Variants in NAA11 observed in about 807,000 individuals in gnomAD.
NAA11 encodes the protein N-alpha-acetyltransferase 11.
In NAA11, 15 loss-of-function variants were observed where a neutral mutation model predicts 16.1. The ratio of observed to expected loss-of-function variants is 0.93; its 90% CI spans 0.62 to 1.44. The LOEUF (loss-of-function observed/expected upper bound fraction) is 1.44, where lower values mean the gene tolerates loss of function less well. NAA11 is among the 40% of genes most tolerant of loss of function. NAA11 has a pLI of 0.00. For synonymous variants in NAA11, 122 were observed against 112.4 expected, an observed-to-expected ratio of 1.09 and a Z score of -0.54; for missense variants, 298 against 291.3, an observed-to-expected ratio of 1.02 and a Z score of -0.17.
At chr4:79,221,735 AT>A (rs1450364036), downstream of NAA11, among the ~76,000 whole-genome samples, 1 of 128,796 alleles carries the variant, frequency 7.8e-6, no homozygotes, top group Non-Finnish European at 1.7e-5. Context: ...CCACTTGATC[AT>A]AGTGGATAAG....
the NAA11 span, among the ~76,000 whole-genome samples, chr4:79,191,216 G>C: frequency 6.6e-6 from 1 of 152,238 alleles, no homozygotes; most frequent in South Asian, 2.1e-4. Context: ...TTGAATGGTA[G>C]TTCTGTTTTT....
chr4:79,285,333 A>T (rs888580973), intron 2 of NAA11, among the ~76,000 whole-genome samples: 1 of 152,106 alleles, frequency 6.6e-6, no homozygotes, highest in African/African-American at 2.4e-5. Context: ...TCAGAAACAG[A>T]TATAAATGGC....
intron 1 of NAA11, chr4:79,299,493 G>T (rs1171343963): frequency 6.6e-6 from 1 of 152,106 alleles, no homozygotes; most frequent in Non-Finnish European, 1.5e-5. Flanking sequence ...CCCCAATGTT[G>T]TACTTATGGT....
chr4:79,270,375 G>A (rs529663807), intron 2 of NAA11, among the ~76,000 whole-genome samples: 2 of 151,638 alleles, frequency 1.3e-5, no homozygotes, highest in East Asian at 3.9e-4. Flanking sequence ...CTGAAATTGT[G>A]GCAATAATCA....
the NAA11 span, among the ~76,000 whole-genome samples, chr4:79,199,522 T>G: frequency 6.6e-6 from 1 of 151,696 alleles, no homozygotes; most frequent in Non-Finnish European, 1.5e-5. Flanking sequence ...TGAAAGCGAG[T>G]GACAAAAAAC....
chr4:79,167,136 ATATATATATATATATATATG>A, the NAA11 span, among the ~76,000 whole-genome samples: 3 of 56,430 alleles, frequency 5.3e-5, no homozygotes, highest in Non-Finnish European at 1.1e-4. Flanking sequence ...CTTATTTTAT[ATATATATATATATATATATG>A]TATATGGAGA....
chr4:79,239,395 G>A (rs1019416996), intron 2 of NAA11, among the ~76,000 whole-genome samples: 2 of 152,146 alleles, frequency 1.3e-5, no homozygotes, highest in African/African-American at 4.8e-5. Context: ...TGACAAGGAA[G>A]TCTGAGAATA....
chr4:79,207,821 G>T, the NAA11 span, among the ~76,000 whole-genome samples: 1 of 151,908 alleles, frequency 6.6e-6, no homozygotes, highest in Non-Finnish European at 1.5e-5. Context: ...TAAAGAAAAA[G>T]AACATTGTTC....
intron 2 of NAA11, among the ~76,000 whole-genome samples, chr4:79,265,290 A>G (rs13136798): frequency 6.6e-6 from 1 of 152,190 alleles, no homozygotes; most frequent in South Asian, 2.1e-4. Context: ...AATGACCTCC[A>G]AACTGGTATT....
At chr4:79,181,277 A>G in the NAA11 span, among the ~76,000 whole-genome samples, 1 of 150,862 alleles carries the variant, frequency 6.6e-6, no homozygotes, top group Non-Finnish European at 1.5e-5. Flanking sequence ...CCTGGTTCTC[A>G]GTTTTCCCAT....
the NAA11 span, among the ~76,000 whole-genome samples, chr4:79,188,120 CTTT>C: frequency 6.6e-6 from 1 of 151,476 alleles, no homozygotes; most frequent in Non-Finnish European, 1.5e-5. Context: ...ATTTTCTCCC[CTTT>C]TTTGAATGTT....
chr4:79,250,055 A>G (rs1320457475), intron 2 of NAA11, among the ~76,000 whole-genome samples: 2 of 152,240 alleles, frequency 1.3e-5, no homozygotes, highest in African/African-American at 4.8e-5. Flanking sequence ...TGTCATCCCC[A>G]GCCAAGGGAG....
At chr4:79,255,086 G>T (rs1047107532) in intron 2 of NAA11, among the ~76,000 whole-genome samples, 9 of 152,114 alleles carry the variant, frequency 5.9e-5, no homozygotes, top group African/African-American at 1.9e-4. Flanking sequence ...ATGCTGTATG[G>T]TTTCATTTAT....
At position 79,325,451 on chromosome 4, in the gene NAA11, C is replaced by T. The variant is rs1467324631; in HGVS notation, c.427G>A (p.Asp143Asn). ...AGATCCCGCTTCATAGCATAAGCAT[C>T]TTCCCCATCTGCATAGTATTTAGGT... ...VEPKYYADGE[D>N]AYAMKRDLSQ... The change falls in exon 1 of 2, where the codon GAT becomes AAT. Residue 143 changes from aspartate (D) to asparagine (N), a missense_variant. Transcript: ENST00000286794. The T allele has an allele frequency of 1.2e-6, 2 of 1,614,106 alleles. No homozygotes were observed. The highest frequency in any genetic ancestry group is 1.3e-5 in the African/African-American group (1 of 74,932).
the NAA11 span, chr4:79,211,862 C>T: frequency 6.6e-6 from 1 of 152,194 alleles, no homozygotes. Context: ...ATCTTCTTAT[C>T]ACCATTTGGT....
At chr4:79,199,693 A>C in the NAA11 span, among the ~76,000 whole-genome samples, 1 of 152,034 alleles carries the variant, frequency 6.6e-6, no homozygotes, top group Admixed American at 6.6e-5. Context: ...AGCATACAAA[A>C]AAGGGAGAGC....
At chr4:79,261,601 TA>T (rs1166518457) in intron 2 of NAA11, among the ~76,000 whole-genome samples, 1 of 152,168 alleles carries the variant, frequency 6.6e-6, no homozygotes, top group Non-Finnish European at 1.5e-5. Flanking sequence ...GGGAAATAGA[TA>T]ATTACTCAGA....
rs1359091335 is a variant in NAA11, at chr4:79,326,006, A to AGGGCGGATGGC, written c.-140_-130dup. The AGGGCGGATGGC allele has an allele frequency of 1.3e-6, 1 of 759,186 alleles. No homozygotes were observed. Among genetic ancestry groups the AGGGCGGATGGC allele is most frequent in the African/African-American group, 1.8e-5 (1 of 56,546 alleles). The allele number at this position is 759,186 out of a possible 1,614,324, so 47.0% of individuals were successfully genotyped here. A position where few individuals can be genotyped will look rare whatever the true frequency, so the allele number is the denominator to read the frequency against. Reference sequence around the variant, plus strand: ...AACACCACCGGGCTGAATCGTGTGGAGGGCGGATGGCGGGAAGGCGGAAGG... The same window carrying AGGGCGGATGGC: ...AACACCACCGGGCTGAATCGTGTGGAGGGCGGATGGCGGGCGGATGGCGGGAAGGCGGAAGG... On this transcript the variant is annotated 5_prime_UTR_variant, in exon 1 of 2. Coordinates refer to ENST00000286794, the MANE Select transcript of NAA11 (RefSeq NM_032693.3).
intron 1 of NAA11, among the ~76,000 whole-genome samples, chr4:79,306,297 C>T (rs1723577694): frequency 6.6e-6 from 1 of 152,178 alleles, no homozygotes; most frequent in Non-Finnish European, 1.5e-5. Context: ...TATATAGTCT[C>T]ACAGTTTGGG....
Sources: gnomAD v4.1 joint callset for allele counts (sites outside exome capture counted in the v4.1 genomes callset) on GRCh38, gnomAD v4.1.1 for gene constraint, MANE v1.5 for transcripts, NCBI Gene and HGNC (gene_info 2026-07-23, HGNC 2026-07-21) for gene names.